The following HIF1A variants were observed in gnomAD, a reference collection of about 807,000 sequenced individuals.
The protein encoded by HIF1A is hypoxia-inducible factor 1-alpha.
A neutral mutation model predicts 92.7 loss-of-function variants in HIF1A; 24 were observed. That is an observed-to-expected ratio of 0.26 (90% CI 0.19 to 0.36). The LOEUF is 0.36. HIF1A is among the 10% of genes least tolerant of loss of function. HIF1A has a pLI of 1.00. For synonymous variants in HIF1A, 319 were observed against 338.7 expected (o/e 0.94, Z 0.64); for missense variants, 799 against 998.5 (o/e 0.80, Z 2.69).
intron 1 of HIF1A, among the ~76,000 whole-genome samples, chr14:61,711,031 G>C (rs1054840352): frequency 7.6e-6 from 1 of 130,730 alleles, no homozygotes; most frequent in Non-Finnish European, 1.6e-5. Context: ...TTGGGCAACA[G>C]TGCGAGACTC....
intron 1 of HIF1A, among the ~76,000 whole-genome samples, chr14:61,703,310 T>C (rs1321111409): frequency 6.6e-6 from 1 of 152,224 alleles, no homozygotes; most frequent in Admixed American, 6.5e-5. Flanking sequence ...GTTTTAAATT[T>C]GGAACACTGG....
chr14:61,730,139 A>AT (rs1371834268), intron 6 of HIF1A, among the ~76,000 whole-genome samples: 1 of 152,210 alleles, frequency 6.6e-6, no homozygotes, highest in African/African-American at 2.4e-5. Context: ...CTCAAAATAA[A>AT]TGAGTAGTAT....
At chr14:61,704,328 T>C (rs1318242379) in intron 1 of HIF1A, among the ~76,000 whole-genome samples, 1 of 152,184 alleles carries the variant, frequency 6.6e-6, no homozygotes, top group Non-Finnish European at 1.5e-5. Context: ...ATGCTTTTCC[T>C]TTACTTGGTT....
intron 1 of HIF1A, among the ~76,000 whole-genome samples, chr14:61,702,994 TG>T (rs2044194689): frequency 6.6e-6 from 1 of 152,226 alleles, no homozygotes; most frequent in Non-Finnish European, 1.5e-5. Context: ...ATAATATTAA[TG>T]TTGGGTACTT....
intron 10 of HIF1A, 94 bp downstream of exon 10, chr14:61,738,467 A>G: frequency 9.0e-7 from 1 of 1,114,960 alleles, no homozygotes; most frequent in African/African-American, 1.6e-5. Context: ...TATTTGAACC[A>G]CAAATTACAT....
chr14:61,697,546 C>A, intron 1 of HIF1A: 1 of 267,814 alleles, frequency 3.7e-6, no homozygotes, highest in Non-Finnish European at 6.1e-6. Context: ...AATAAATTAG[C>A]TACTGTTCAT....
chr14:61,698,446 G>GT (rs1019112363), intron 1 of HIF1A, among the ~76,000 whole-genome samples: 6 of 152,220 alleles, frequency 3.9e-5, no homozygotes, highest in African/African-American at 1.4e-4. Flanking sequence ...AGCAGTTATT[G>GT]TAAAGGTTAA....
At chr14:61,732,094 C>T (rs908086417) in intron 6 of HIF1A, among the ~76,000 whole-genome samples, 1 of 152,184 alleles carries the variant, frequency 6.6e-6, no homozygotes, top group Non-Finnish European at 1.5e-5. Flanking sequence ...CAAGATCACA[C>T]CTCATTGTGC....
chr14:61,708,510 C>T (rs2044269278), intron 1 of HIF1A, among the ~76,000 whole-genome samples: 1 of 152,160 alleles, frequency 6.6e-6, no homozygotes. Flanking sequence ...CCAGTTTCAG[C>T]TTTCTGCATA....
At chr14:61,746,392 C>CTTTTCTTTT (rs1555339857) in intron 14 of HIF1A, among the ~76,000 whole-genome samples, 1 of 49,494 alleles carries the variant, frequency 2.0e-5, no homozygotes, top group African/African-American at 5.0e-5. Context: ...TTTATGACTT[C>CTTTTCTTTT]TTTTTTTTTT....
chr14:61,746,208 G>C (rs2044784283), intron 14 of HIF1A, among the ~76,000 whole-genome samples: 1 of 146,796 alleles, frequency 6.8e-6, no homozygotes, highest in African/African-American at 2.5e-5. Context: ...TGGGCGACAA[G>C]GGTGAGACTC....
intron 7 of HIF1A, among the ~76,000 whole-genome samples, chr14:61,732,956 T>C (rs1186692027): frequency 6.6e-6 from 1 of 152,256 alleles, no homozygotes. Context: ...GGTATTTATA[T>C]TTATGGGTTC....
chr14:61,703,606 A>T (rs1489032129), intron 1 of HIF1A, among the ~76,000 whole-genome samples: 1 of 151,572 alleles, frequency 6.6e-6, no homozygotes, highest in Non-Finnish European at 1.5e-5. Context: ...ACCTGCATCC[A>T]TACAGTTTGT....
intron 1 of HIF1A, 114 bp downstream of exon 1, chr14:61,695,953 T>A: frequency 1.1e-6 from 1 of 938,150 alleles, no homozygotes; most frequent in Non-Finnish European, 1.6e-6. Context: ...GCAGCCTTTT[T>A]GTTTCTGCTG....
chr14:61,718,659 T>C (rs552114706), intron 1 of HIF1A, among the ~76,000 whole-genome samples: 16 of 152,230 alleles, frequency 1.1e-4, no homozygotes, highest in Non-Finnish European at 1.6e-4. Flanking sequence ...CTGCTGGCAT[T>C]TGCATTTTCA....
chr14:61,735,624 T>C (rs555548030), intron 8 of HIF1A, among the ~76,000 whole-genome samples: 1 of 152,360 alleles, frequency 6.6e-6, no homozygotes, highest in East Asian at 1.9e-4. Context: ...GCATTATCAG[T>C]TCATTTCAGA....
chr14:61,701,194 T>C (rs2044172165), intron 1 of HIF1A, among the ~76,000 whole-genome samples: 1 of 152,256 alleles, frequency 6.6e-6, no homozygotes, highest in Non-Finnish European at 1.5e-5. Flanking sequence ...TCTGGTGATC[T>C]CAACTGTTAT....
chr14:61,727,000 C>G (rs1352771201), intron 5 of HIF1A, among the ~76,000 whole-genome samples, 182 bp downstream of exon 5: 1 of 152,158 alleles, frequency 6.6e-6, no homozygotes, highest in African/African-American at 2.4e-5. Context: ...AGTAATTTGC[C>G]AATTTGAGGC....
At chr14:61,721,415 G>A in intron 2 of HIF1A, 94 bp from the exon 3 acceptor site, 7 of 1,006,170 alleles carry the variant, frequency 7.0e-6, no homozygotes, top group Non-Finnish European at 1.0e-5. Flanking sequence ...TAAATAAAGT[G>A]TCTGCGAGAA....
Sources: gnomAD v4.1 joint callset for allele counts (sites outside exome capture counted in the v4.1 genomes callset) on GRCh38, gnomAD v4.1.1 for gene constraint, MANE v1.5 for transcripts, NCBI Gene and HGNC (gene_info 2026-07-23, HGNC 2026-07-21) for gene names.